Variants in LRCH2 observed in about 807,000 individuals in gnomAD.
LRCH2 encodes the protein leucine rich repeats and calponin homology domain containing 2, also known as leucine-rich repeat and calponin homology domain-containing protein 2.
Under a neutral mutation model 68.9 loss-of-function variants are expected in LRCH2, and 38 were observed. The ratio of observed to expected loss-of-function variants is 0.55; its 90% CI spans 0.43 to 0.72. The LOEUF (loss-of-function observed/expected upper bound fraction) is 0.72. Ranked by LOEUF, LRCH2 falls within the 30% of genes least tolerant of loss-of-function variation. LRCH2 has a pLI of 0.00. For missense variants in LRCH2, 528 were observed against 572.9 expected, an observed-to-expected ratio of 0.92 and a Z score of 0.80; for synonymous variants, 191 against 208.1, an observed-to-expected ratio of 0.92 and a Z score of 0.71.
chrX:115,232,173 GT>G (rs2073156786), intron 1 of LRCH2, among the ~76,000 whole-genome samples: 1 of 108,111 alleles, frequency 9.2e-6, no homozygotes, highest in Non-Finnish European at 1.9e-5. Context: ...AACAATGAAA[GT>G]CCTGAATGCC....
chrX:115,126,809 G>A (rs781988224), intron 16 of LRCH2, 34 bp downstream of exon 16: 13 of 1,042,405 alleles, frequency 1.2e-5, no homozygotes, highest in Non-Finnish European at 1.6e-5. Context: ...CATACAAAAC[G>A]TATTTTTAAG....
Position 115,171,090 on chromosome X carries a change from AAACTG to A in LRCH2, c.865-663_865-659del, listed in dbSNP as rs1183963824. 2.7e-5 allele frequency among the ~76,000 whole-genome samples: 3 copies of A among 111,832 alleles called. No homozygotes were observed. In the East Asian group the frequency reaches 8.3e-4, roughly 31 times the overall value. On this transcript the variant is annotated intron_variant, in intron 5 of 20. Coordinates refer to ENST00000317135, the MANE Select transcript of LRCH2 (RefSeq NM_020871.4). ...AAACAATAGAAAATGAGAGGTAAGA[AAACTG>A]TAAGTCAGCTTTATCAAGGTTAATT...
chrX:115,232,334 T>C (rs1223920980), intron 1 of LRCH2, among the ~76,000 whole-genome samples: 1 of 111,387 alleles, frequency 9.0e-6, no homozygotes, highest in African/African-American at 3.2e-5. Context: ...TTGAAGCCTT[T>C]GAAGAACACA....
intron 7 of LRCH2, 47 bp downstream of exon 7, chrX:115,166,208 C>G (rs2072558541): frequency 6.4e-6 from 6 of 940,911 alleles, no homozygotes; most frequent in Admixed American, 2.6e-5. Flanking sequence ...TTTCAATGCT[C>G]TAATAAAATT....
intron 1 of LRCH2, chrX:115,192,157 C>A: frequency 1.7e-6 from 2 of 1,167,239 alleles, no homozygotes; most frequent in Non-Finnish European, 2.3e-6. Context: ...CCGGAGTGAC[C>A]ATTACGGAAG....
In LRCH2 at chrX:115,122,776, A is replaced by T; in HGVS notation, c.2084T>A (p.Val695Glu). 1 of 1,211,098 alleles carries T rather than the reference A, an allele frequency of 8.3e-7. No individual in the cohort carries two copies. The highest frequency in any genetic ancestry group is 1.1e-6 in the Non-Finnish European group (1 of 895,031). The change falls in exon 19 of 21, where the codon GTA (valine) becomes GAA (glutamate). Residue 695 changes from valine to glutamate, a missense_variant. By Grantham distance (121) the Val-to-Glu change is moderately radical. Coordinates refer to ENST00000317135, the MANE Select transcript of LRCH2 (RefSeq NM_020871.4). ...AAAACTTACCACTGCTGGTGATGGT[A>T]CATGAATACTAGCAACAGAACGTGG... ...IRPRSVASIH[V>E]PSPAVPKLSM...
At chrX:115,183,083 C>T (rs1309328862) in intron 3 of LRCH2, among the ~76,000 whole-genome samples, 1 of 110,493 alleles carries the variant, frequency 9.1e-6, no homozygotes, top group Non-Finnish European at 1.9e-5. Context: ...CACACACACA[C>T]ACACAGAGTT....
At chrX:115,183,223 G>A (rs1256623842) in intron 3 of LRCH2, among the ~76,000 whole-genome samples, 1 of 110,894 alleles carries the variant, frequency 9.0e-6, no homozygotes, top group Non-Finnish European at 1.9e-5. Flanking sequence ...TGAAATTCAA[G>A]GAAGTTTCCT....
intron 14 of LRCH2, among the ~76,000 whole-genome samples, chrX:115,132,419 C>T (rs1297454565): frequency 2.7e-5 from 3 of 111,171 alleles, no homozygotes; most frequent in African/African-American, 9.8e-5. Context: ...TCTGAGGGCT[C>T]TGTTCTGTTC....
chrX:115,173,226 C>T (rs1282598575), intron 5 of LRCH2, among the ~76,000 whole-genome samples: 1 of 111,716 alleles, frequency 9.0e-6, no homozygotes, highest in Non-Finnish European at 1.9e-5. Flanking sequence ...GGATGAAAGA[C>T]GTACACTGAC....
intron 1 of LRCH2, among the ~76,000 whole-genome samples, chrX:115,226,379 G>A (rs782250131): frequency 3.6e-5 from 4 of 111,583 alleles, no homozygotes; most frequent in East Asian, 2.8e-4. Context: ...ATTTTGAAAC[G>A]TACGGCTTGA....
chrX:115,139,237 G>C (rs2843484), intron 14 of LRCH2: 1 of 110,246 alleles, frequency 9.1e-6, no homozygotes, highest in African/African-American at 3.3e-5. Flanking sequence ...CATATAAAAC[G>C]AACAATGATC....
intron 20 of LRCH2, among the ~76,000 whole-genome samples, chrX:115,121,186 T>G (rs1244069066): frequency 9.3e-6 from 1 of 108,107 alleles, no homozygotes; most frequent in Non-Finnish European, 1.9e-5. Context: ...AATAAATAAA[T>G]AAATAAATAA....
intron 11 of LRCH2, among the ~76,000 whole-genome samples, chrX:115,161,230 G>C (rs1430821181): frequency 1.8e-5 from 2 of 110,465 alleles, no homozygotes; most frequent in African/African-American, 6.6e-5. Flanking sequence ...GGCACACACT[G>C]GTAATCCCAG....
rs989087750 is a variant in LRCH2 at position 115,231,720 on chromosome X, T to C, written c.349+1973A>G. On this transcript the variant is annotated intron_variant, in intron 1 of 20. Transcript: ENST00000317135. Reference sequence around the variant, plus strand: ...AGCCAAAGGCTGTAACTGCATCAGATGATATTCATATTTATGAGAAATATT... The same window carrying C: ...AGCCAAAGGCTGTAACTGCATCAGACGATATTCATATTTATGAGAAATATT... Among the ~76,000 whole-genome samples, 3 of 112,283 alleles carry C rather than the reference T, an allele frequency of 2.7e-5. No homozygotes were observed. The East Asian group carries it at 8.4e-4, about 31-fold the overall frequency.
chrX:115,214,129 G>C (rs1477435541), intron 1 of LRCH2, among the ~76,000 whole-genome samples: 1 of 111,575 alleles, frequency 9.0e-6, no homozygotes, highest in African/African-American at 3.3e-5. Context: ...TCTGTTCTTT[G>C]GTAACTATTA....
chrX:115,216,660 G>A (rs1467328577), intron 1 of LRCH2, among the ~76,000 whole-genome samples: 4 of 112,023 alleles, frequency 3.6e-5, no homozygotes, highest in African/African-American at 1.3e-4. Context: ...TATTGTTAGT[G>A]AGAATGTAAA....
At position 115,115,112 on chromosome X, in the gene LRCH2, T is replaced by G. The variant is rs782168836; in HGVS notation, c.2179-1777A>C. 1.8e-5 allele frequency among the ~76,000 whole-genome samples: 2 copies of G among 111,025 alleles called. 1 individual carries two copies. Among genetic ancestry groups the G allele is most frequent in the South Asian group, 7.5e-4 (2 of 2,674 alleles). ...TGTTAATGGATCACAGGAATAAACA[T>G]TGTGAAGATGACAATATTCCCCAAA... On this transcript the variant is annotated intron_variant, in intron 20 of 20. Coordinates refer to ENST00000317135, the MANE Select transcript of LRCH2 (RefSeq NM_020871.4).
chrX:115,191,496 G>A lies in LRCH2; in HGVS notation c.350-3126C>T, dbSNP rs5988231. 2.5e-3 allele frequency: 2,786 copies of A among 1,131,597 alleles called. 54 individuals are homozygous for A. In the African/African-American group the frequency reaches 0.047, roughly 19 times the overall value. The allele number at this position is 1,131,597 out of a possible 1,213,427, so 93.3% of individuals were successfully genotyped here. A position where few individuals can be genotyped will look rare whatever the true frequency, so the allele number is the denominator to read the frequency against. ...TCGATGCCAACAGTGGAGGCCGCTC[G>A]CCTGATGCCTACAGTGGGGGCCACG... On this transcript the variant is annotated intron_variant, in intron 1 of 20. Coordinates refer to ENST00000317135, the MANE Select transcript of LRCH2 (RefSeq NM_020871.4).
Sources: allele counts gnomAD v4.1 joint callset (sites outside exome capture counted in the v4.1 genomes callset), GRCh38; gene constraint gnomAD v4.1.1; transcripts MANE v1.5; gene names NCBI Gene and HGNC (gene_info 2026-07-23, HGNC 2026-07-21).